Variants in PCDH15 observed in about 807,000 individuals in gnomAD.
The protein encoded by PCDH15 is protocadherin-15.
Under a neutral mutation model 178.5 loss-of-function variants are expected in PCDH15, and 129 were observed. The ratio of observed to expected loss-of-function variants is 0.72; its 90% CI spans 0.63 to 0.84. The LOEUF is 0.84. Ranked by LOEUF, PCDH15 falls within the 40% of genes least tolerant of loss-of-function variation. PCDH15 has a pLI of 0.00. For missense variants in PCDH15, 2,230 were observed against 2,099.9 expected, an observed-to-expected ratio of 1.06 and a Z score of -1.21; for synonymous variants, 800 against 732.0, an observed-to-expected ratio of 1.09 and a Z score of -1.50.
chr10:53,971,721 C>T (rs1414346599), intron 21 of PCDH15, among the ~76,000 whole-genome samples: 1 of 152,106 alleles, frequency 6.6e-6, no homozygotes, highest in Non-Finnish European at 1.5e-5. Context: ...CCTGGGAACC[C>T]TACTTACAAG....
intron 20 of PCDH15, among the ~76,000 whole-genome samples, chr10:54,019,061 T>C (rs1277771593): frequency 1.3e-5 from 2 of 152,126 alleles, no homozygotes; most frequent in African/African-American, 4.8e-5. Flanking sequence ...TCTGTCTTTT[T>C]CCTCCCTCCA....
intron 1 of PCDH15, among the ~76,000 whole-genome samples, chr10:55,201,447 A>G (rs1215548050): frequency 6.6e-6 from 1 of 152,184 alleles, no homozygotes; most frequent in African/African-American, 2.4e-5. Flanking sequence ...CTAATGATTT[A>G]TTATATAAGC....
chr10:53,846,116 T>C (rs554423827), intron 28 of PCDH15, among the ~76,000 whole-genome samples: 2 of 151,866 alleles, frequency 1.3e-5, no homozygotes, highest in South Asian at 4.1e-4. Flanking sequence ...GGTAGCAATA[T>C]ACGTATTTAA....
intron 4 of PCDH15, among the ~76,000 whole-genome samples, chr10:54,376,388 C>T (rs1024335533): frequency 1.3e-5 from 2 of 150,434 alleles, no homozygotes; most frequent in African/African-American, 4.9e-5. Context: ...TGGGAAAAAA[C>T]ATTTTACATT....
At chr10:54,683,894 T>C (rs1032964929) in intron 1 of PCDH15, among the ~76,000 whole-genome samples, 1 of 152,078 alleles carries the variant, frequency 6.6e-6, no homozygotes. Flanking sequence ...GTTAAAATGA[T>C]AGTTTGAAAA....
chr10:54,726,276 T>C (rs893743641), intron 1 of PCDH15, among the ~76,000 whole-genome samples: 13 of 151,626 alleles, frequency 8.6e-5, no homozygotes, highest in Non-Finnish European at 1.9e-4. Flanking sequence ...TTAAATTTAG[T>C]TTCCTAAGAA....
rs1160583132 is a variant in PCDH15, at chr10:53,806,244, A to G, written c.*335T>C. On this transcript the variant is annotated 3_prime_UTR_variant, in exon 38 of 38. Transcript: ENST00000644397. The stretch of plus-strand genomic sequence containing the variant: ...TGTTTTGTGGAGCTAGAAATAAAGC[A>G]TAATCTATGTTAATCAATAAAATAT... The G allele has an allele frequency of 1.0e-5, 2 of 200,306 alleles. No homozygotes were observed. The highest frequency in any genetic ancestry group is 4.7e-5 in the African/African-American group (2 of 42,378). 12.4% of individuals were successfully genotyped at this position (200,306 alleles called of 1,614,324 possible). A position where few individuals can be genotyped will look rare whatever the true frequency, so the allele number is the denominator to read the frequency against.
intron 2 of PCDH15, among the ~76,000 whole-genome samples, chr10:54,630,491 T>C (rs768902209): frequency 1.3e-5 from 2 of 152,152 alleles, no homozygotes; most frequent in Non-Finnish European, 2.9e-5. Context: ...CCCTTGCCTT[T>C]CATCGCAGGC....
intron 26 of PCDH15, among the ~76,000 whole-genome samples, chr10:53,880,962 C>T (rs767849610): frequency 2.6e-5 from 4 of 152,108 alleles, no homozygotes; most frequent in South Asian, 2.1e-4. Context: ...AGCTCTCCCT[C>T]GTGCTCTCTC....
intron 2 of PCDH15, among the ~76,000 whole-genome samples, chr10:54,541,905 T>A (rs936708739): frequency 3.9e-5 from 6 of 152,188 alleles, no homozygotes; most frequent in African/African-American, 1.4e-4. Flanking sequence ...AACAGAGAGA[T>A]TCTTAATAAG....
At chr10:54,317,983 A>C (rs2061382624) in intron 7 of PCDH15, among the ~76,000 whole-genome samples, 1 of 152,192 alleles carries the variant, frequency 6.6e-6, no homozygotes, top group Non-Finnish European at 1.5e-5. Flanking sequence ...AACAGTTCAC[A>C]TTACTAGACA....
chr10:54,727,049 C>A (rs1285816573), intron 1 of PCDH15, among the ~76,000 whole-genome samples: 1 of 151,166 alleles, frequency 6.6e-6, no homozygotes, highest in Admixed American at 6.6e-5. Context: ...GACATGAAAA[C>A]TCAGGAAAGA....
chr10:55,156,490 C>T (rs1458038503), intron 2 of PCDH15, among the ~76,000 whole-genome samples: 1 of 151,974 alleles, frequency 6.6e-6, no homozygotes, highest in Admixed American at 6.6e-5. Context: ...GTGTTTTAAC[C>T]TAATAGTTCA....
intron 13 of PCDH15, among the ~76,000 whole-genome samples, chr10:54,181,427 G>A (rs537574739): frequency 1.3e-5 from 2 of 151,836 alleles, no homozygotes; most frequent in Non-Finnish European, 2.9e-5. Context: ...GGGTACATAC[G>A]CAAGTTTATT....
intron 15 of PCDH15, among the ~76,000 whole-genome samples, chr10:54,107,868 C>A (rs1207980221): frequency 1.3e-5 from 2 of 152,100 alleles, no homozygotes; most frequent in East Asian, 3.9e-4. Context: ...GGAGGTCATT[C>A]AAGATGTCTG....
Position 53,840,380 on chromosome 10 carries a change from A to G in PCDH15, c.3923T>C (p.Leu1308Ser). 2 of 1,614,160 alleles carry G rather than the reference A, an allele frequency of 1.2e-6. No individual in the cohort carries two copies. Among genetic ancestry groups the G allele is most frequent in the Non-Finnish European group, 1.7e-6 (2 of 1,180,028 alleles). ...TTGGGGGTCAATTGCATAGACAGTC[A>G]AGTCACATTTGGTGTAATCTTCTAG... Reference protein sequence around the residue: ...FSLEDYTKCDLTVYAIDPQTN... With the variant: ...FSLEDYTKCDSTVYAIDPQTN... The change falls in exon 29 of 38, where the codon TTG becomes TCG. Residue 1308 changes from leucine (L) to serine (S), a missense_variant. By Grantham distance (145) the Leu-to-Ser change is moderately radical. Transcript: ENST00000644397.
intron 27 of PCDH15, among the ~76,000 whole-genome samples, chr10:53,864,189 A>T (rs1589146772): frequency 6.6e-6 from 1 of 152,118 alleles, no homozygotes; most frequent in South Asian, 2.1e-4. Context: ...GACTTCCTAA[A>T]GCTAAATCAA....
At chr10:55,483,680 G>A (rs1840233718) in intron 2 of PCDH15, among the ~76,000 whole-genome samples, 1 of 151,574 alleles carries the variant, frequency 6.6e-6, no homozygotes, top group Non-Finnish European at 1.5e-5. Flanking sequence ...ACATACTGTG[G>A]TGGTGTGTGT....
rs145822020 is a variant in PCDH15 at position 54,953,018 on chromosome 10, A to G, written c.-79-55518T>C. Among the ~76,000 whole-genome samples, 1,144 of 151,756 alleles carry G rather than the reference A, an allele frequency of 7.5e-3. 16 individuals carry two copies. The highest frequency in any genetic ancestry group is 0.026 in the African/African-American group (1,089 of 41,514). On this transcript the variant is annotated intron_variant, in intron 2 of 5. Transcript: ENST00000458638. ...TCTTATTTCATTAGTTAAGTGTACC[A>G]GTAGAATGTTAAGTAGAAGTTTTGA...
Sources: gnomAD v4.1 joint callset for allele counts (sites outside exome capture counted in the v4.1 genomes callset) on GRCh38, gnomAD v4.1.1 for gene constraint, MANE v1.5 for transcripts, NCBI Gene and HGNC (gene_info 2026-07-23, HGNC 2026-07-21) for gene names.